The following SLC16A12 variants were observed in gnomAD, a reference collection of about 807,000 sequenced individuals.
The protein encoded by SLC16A12 is monocarboxylate transporter 12.
In SLC16A12, 17 loss-of-function variants were observed where a neutral mutation model predicts 42.4. The observed-to-expected ratio is 0.40, with a 90% CI of 0.27 to 0.60. SLC16A12 has a LOEUF of 0.60. SLC16A12 is among the 20% of genes least tolerant of loss of function. SLC16A12 has a pLI of 0.42. For missense variants in SLC16A12, 544 were observed against 623.0 expected (o/e 0.87, Z 1.35); for synonymous variants, 224 against 229.4 (o/e 0.98, Z 0.21).
At chr10:89,543,089 C>T (rs575847952) in intron 2 of SLC16A12, among the ~76,000 whole-genome samples, 63 of 152,346 alleles carry the variant, frequency 4.1e-4, no homozygotes, top group Admixed American at 7.2e-4. Context: ...ATATCTGTAA[C>T]TTCCCTTGAA....
At chr10:89,443,069 T>C (rs1482896896) in intron 4 of SLC16A12, among the ~76,000 whole-genome samples, 2 of 152,240 alleles carry the variant, frequency 1.3e-5, no homozygotes, top group African/African-American at 4.8e-5. Flanking sequence ...TGTCCTCTAC[T>C]ACACAGATGG....
In SLC16A12 at chr10:89,555,535, G is replaced by A. The variant is rs148000947; in HGVS notation, c.-47+347C>T. Among the ~76,000 whole-genome samples, 854 of 128,964 alleles carry A rather than the reference G, an allele frequency of 6.6e-3. 1 individual carries two copies. Among genetic ancestry groups the A allele is most frequent in the Non-Finnish European group, 0.011 (629 of 59,682 alleles). The allele number at this position is 128,964 out of a possible 152,430, so 84.6% of individuals were successfully genotyped here. A position where few individuals can be genotyped will look rare whatever the true frequency, so the allele number is the denominator to read the frequency against. Reference sequence around the variant, plus strand: ...TATATGTATATATGTGTATATATACGTATGTATGTATATACGTATATATAC... The same window carrying A: ...TATATGTATATATGTGTATATATACATATGTATGTATATACGTATATATAC... On this transcript the variant is annotated intron_variant, in intron 2 of 2. Coordinates refer to the SLC16A12 transcript ENST00000475682.
At chr10:89,486,625 A>AAGAG (rs1306732150) in intron 2 of SLC16A12, among the ~76,000 whole-genome samples, 1 of 128,704 alleles carries the variant, frequency 7.8e-6, no homozygotes, top group Non-Finnish European at 1.6e-5. Flanking sequence ...GAAAGAAAGA[A>AAGAG]AGAAAGAAAG....
chr10:89,470,629 G>A (rs987860795), intron 2 of SLC16A12, among the ~76,000 whole-genome samples: 1 of 152,226 alleles, frequency 6.6e-6, no homozygotes, highest in African/African-American at 2.4e-5. Context: ...TGCTAAGCCA[G>A]ATGGAAATCA....
At chr10:89,488,583 T>C (rs965009778) in intron 2 of SLC16A12, among the ~76,000 whole-genome samples, 2 of 152,196 alleles carry the variant, frequency 1.3e-5, no homozygotes, top group Non-Finnish European at 2.9e-5. Flanking sequence ...TTAGCTTTAA[T>C]ATATTGGGTC....
chr10:89,531,806 C>T (rs556457984), intron 2 of SLC16A12, among the ~76,000 whole-genome samples: 2 of 152,196 alleles, frequency 1.3e-5, no homozygotes, highest in Non-Finnish European at 2.9e-5. Flanking sequence ...AAAGCTTTAC[C>T]GTGCTTTACC....
intron 6 of SLC16A12, among the ~76,000 whole-genome samples, chr10:89,437,812 C>T (rs1369410368): frequency 6.6e-6 from 1 of 152,152 alleles, no homozygotes; most frequent in Non-Finnish European, 1.5e-5. Context: ...TATGAGTAGC[C>T]TGCACTCTTC....
chr10:89,494,922 C>A (rs1305446256), intron 2 of SLC16A12, among the ~76,000 whole-genome samples: 7 of 152,156 alleles, frequency 4.6e-5, no homozygotes, highest in African/African-American at 1.7e-4. Flanking sequence ...ACATACTGTT[C>A]TTGGAGATAG....
chr10:89,460,437 T>C (rs1200975310), intron 3 of SLC16A12, among the ~76,000 whole-genome samples: 1 of 151,692 alleles, frequency 6.6e-6, no homozygotes, highest in Non-Finnish European at 1.5e-5. Context: ...TTAAGAATCA[T>C]ACTTTGGCAG....
chr10:89,497,771 C>T (rs1226910826), intron 2 of SLC16A12, among the ~76,000 whole-genome samples: 1 of 151,692 alleles, frequency 6.6e-6, no homozygotes, highest in African/African-American at 2.4e-5. Context: ...TTCATTAAGG[C>T]CAAGTCGATC....
intron 2 of SLC16A12, among the ~76,000 whole-genome samples, chr10:89,519,984 G>T (rs931775586): frequency 6.6e-6 from 1 of 151,192 alleles, no homozygotes; most frequent in Non-Finnish European, 1.5e-5. Flanking sequence ...GTGGTGGTGG[G>T]CGCCTGTAAT....
At chr10:89,527,639 C>CA (rs144252240) in intron 2 of SLC16A12, among the ~76,000 whole-genome samples, 62,026 of 143,574 alleles carry the variant, frequency 0.43, 14,822 homozygotes, top group African/African-American at 0.68. Context: ...TCCATTTCTA[C>CA]AAAAAAAAAA....
intron 2 of SLC16A12, among the ~76,000 whole-genome samples, chr10:89,519,426 C>T (rs553350826): frequency 2.0e-5 from 3 of 152,254 alleles, no homozygotes; most frequent in Admixed American, 2.0e-4. Context: ...TCTCCCACTT[C>T]GTTTTCCACG....
chr10:89,473,983 A>G (rs1275699420), intron 2 of SLC16A12, among the ~76,000 whole-genome samples: 3 of 152,090 alleles, frequency 2.0e-5, no homozygotes, highest in African/African-American at 7.2e-5. Context: ...TCACTACCAT[A>G]CCCACCTATC....
upstream of SLC16A12, among the ~76,000 whole-genome samples, chr10:89,536,535 GA>G (rs1173721925): frequency 6.6e-6 from 1 of 151,932 alleles, no homozygotes; most frequent in Non-Finnish European, 1.5e-5. Flanking sequence ...CTCAAAGCCT[GA>G]AAAGGGAGCT....
chr10:89,475,551 G>A lies in SLC16A12; in HGVS notation c.-46-12927C>T, dbSNP rs1842564705. Among the ~76,000 whole-genome samples the A allele has an allele frequency of 2.0e-5, 3 of 152,188 alleles. 1 individual carries two copies. In the South Asian group the frequency reaches 6.2e-4, roughly 32 times the overall value. On this transcript the variant is annotated intron_variant, in intron 2 of 7. Coordinates refer to ENST00000371790, the MANE Select transcript of SLC16A12 (RefSeq NM_213606.4). ...ATATATAATGTTCTAGGTGAAGAGA[G>A]ACTAAGACTGCTTTTTTTGATGTGC... is the stretch of plus-strand genomic sequence containing the variant.
chr10:89,488,364 T>A lies in SLC16A12; in HGVS notation c.-46-25740A>T, dbSNP rs181143950. 1.2e-4 allele frequency among the ~76,000 whole-genome samples: 18 copies of A among 152,314 alleles called. No individual in the cohort carries two copies. The East Asian group carries it at 3.3e-3, about 28-fold the overall frequency. ...TGTGGTCAGTGCTAAGGAAGTCACA[T>A]GCATTATGGTCATTTGGAAGAGGAT... On this transcript the variant is annotated intron_variant, in intron 2 of 7. Coordinates refer to ENST00000371790, the MANE Select transcript of SLC16A12 (RefSeq NM_213606.4).
chr10:89,554,146 A>AGGT lies in SLC16A12; in HGVS notation c.-47+1735_-47+1736insACC, dbSNP rs1473609755. Among the ~76,000 whole-genome samples the AGGT allele has an allele frequency of 2.3e-4, 34 of 148,644 alleles. 4 individuals carry two copies. The highest frequency in any genetic ancestry group is 8.5e-4 in the African/African-American group (33 of 38,666). On this transcript the variant is annotated intron_variant, in intron 2 of 2. Coordinates refer to the SLC16A12 transcript ENST00000475682. Reference sequence around the variant, plus strand: ...AAGGAAGGAAGGAAGGAAGGAAGGAAAGAAAGAAAGAAAATGGGAAAGTTC... The same window carrying AGGT: ...AAGGAAGGAAGGAAGGAAGGAAGGAAGGTAGAAAGAAAGAAAATGGGAAAGTTC...
intron 2 of SLC16A12, among the ~76,000 whole-genome samples, chr10:89,467,082 A>T (rs1842413780): frequency 6.6e-6 from 1 of 152,220 alleles, no homozygotes; most frequent in South Asian, 2.1e-4. Context: ...ACCAGTAAAA[A>T]AAGGCACAAC....
Sources: allele counts gnomAD v4.1 joint callset (sites outside exome capture counted in the v4.1 genomes callset), GRCh38; gene constraint gnomAD v4.1.1; transcripts MANE v1.5; gene names NCBI Gene and HGNC (gene_info 2026-07-23, HGNC 2026-07-21).